Variants in SLC24A2 observed in about 807,000 individuals in gnomAD.
SLC24A2 encodes the protein solute carrier family 24 member 2, also known as sodium/potassium/calcium exchanger 2.
Under a neutral mutation model 62.0 loss-of-function variants are expected in SLC24A2, and 36 were observed. The ratio of observed to expected loss-of-function variants is 0.58; its 90% CI spans 0.44 to 0.77. SLC24A2 has a LOEUF of 0.77. Ranked by LOEUF, SLC24A2 falls within the 30% of genes least tolerant of loss-of-function variation. The pLI is 0.00. For synonymous variants in SLC24A2, 358 were observed against 294.0 expected, an observed-to-expected ratio of 1.22 and a Z score of -2.23; for missense variants, 846 against 817.9, an observed-to-expected ratio of 1.03 and a Z score of -0.42.
At chr9:20,087,892 A>G in the SLC24A2 span, among the ~76,000 whole-genome samples, 1 of 152,054 alleles carries the variant, frequency 6.6e-6, no homozygotes, top group East Asian at 1.9e-4. Context: ...GATCTAGAGG[A>G]GCGTCCCCTA....
the SLC24A2 span, among the ~76,000 whole-genome samples, chr9:19,884,715 C>A: frequency 1.3e-5 from 2 of 151,908 alleles, no homozygotes; most frequent in Non-Finnish European, 2.9e-5. Context: ...TCTATACAAC[C>A]ATTGTTTTCA....
At chr9:20,118,792 C>A in the SLC24A2 span, among the ~76,000 whole-genome samples, 4 of 152,160 alleles carry the variant, frequency 2.6e-5, no homozygotes, top group East Asian at 7.8e-4. Context: ...CTGTGGTAAA[C>A]AAGTATAGGG....
the SLC24A2 span, among the ~76,000 whole-genome samples, chr9:19,881,409 G>C: frequency 9.7e-4 from 147 of 152,298 alleles, no homozygotes; most frequent in Middle Eastern, 3.4e-3. Flanking sequence ...ACCATCTACT[G>C]ACTTAGGCTA....
intron 8 of SLC24A2, among the ~76,000 whole-genome samples, chr9:19,542,629 G>A (rs1834333472): frequency 6.6e-6 from 1 of 152,162 alleles, no homozygotes; most frequent in African/African-American, 2.4e-5. Context: ...ACTTTATTGA[G>A]AATTTTTTAG....
rs1009127911 is a variant in SLC24A2 at position 19,786,632 on chromosome 9, C to T, written c.235G>A (p.Ala79Thr). Residue 79 changes from alanine (A) to threonine (T), a missense_variant, in exon 2 of 11, where the codon GCA becomes ACA. Ala to Thr is a moderately conservative substitution (Grantham distance 58). Coordinates refer to ENST00000341998, the MANE Select transcript of SLC24A2 (RefSeq NM_020344.4). This position sits in a 1 kb window ranked among gnomAD's most constrained non-coding sequence, Gnocchi z 5.0. ...EASVVSGPRV[A>T]QGYHQRTLLD... ...AGAGTTCTCTGATGGTAACCCTGTG[C>T]TACCCTAGGGCCACTTACAACACTG... The T allele has an allele frequency of 6.2e-7, 1 of 1,614,094 alleles. No homozygotes were observed. Among genetic ancestry groups the T allele is most frequent in the Non-Finnish European group, 8.5e-7 (1 of 1,179,976 alleles).
the SLC24A2 span, among the ~76,000 whole-genome samples, chr9:20,241,123 C>G: frequency 1.3e-5 from 2 of 152,238 alleles, no homozygotes; most frequent in African/African-American, 4.8e-5. Flanking sequence ...AATGAAACCA[C>G]GTGTCTTCAG....
At chr9:19,675,706 C>T (rs926836547) in intron 2 of SLC24A2, among the ~76,000 whole-genome samples, 3 of 152,106 alleles carry the variant, frequency 2.0e-5, no homozygotes, top group Admixed American at 6.5e-5. Context: ...TCCTACCGTG[C>T]CCCCACAAAA....
chr9:20,087,219 T>A, the SLC24A2 span, among the ~76,000 whole-genome samples: 1 of 152,106 alleles, frequency 6.6e-6, no homozygotes, highest in African/African-American at 2.4e-5. Flanking sequence ...AATAAATATT[T>A]ATTGAGCACC....
At position 19,514,685 on chromosome 9, in the gene SLC24A2, C is replaced by G. The variant is rs900357809; in HGVS notation, c.*1468G>C. On this transcript the variant is annotated 3_prime_UTR_variant, in exon 11 of 11. Transcript: ENST00000341998. ...ATAGCTTGAAACCAGTATAAGGAAGCTGTCAAATACCGTGTACTCTAAAAC... is the reference window on the plus strand; with the variant it reads ...ATAGCTTGAAACCAGTATAAGGAAGGTGTCAAATACCGTGTACTCTAAAAC... The G allele has an allele frequency of 1.3e-5, 2 of 152,146 alleles. No homozygotes were observed. The highest frequency in any genetic ancestry group is 4.8e-5 in the African/African-American group (2 of 41,418). The allele number at this position is 152,146 out of a possible 1,614,324, so 9.4% of individuals were successfully genotyped here.
chr9:19,733,588 T>A (rs1014165092), intron 2 of SLC24A2, among the ~76,000 whole-genome samples: 1 of 152,212 alleles, frequency 6.6e-6, no homozygotes, highest in South Asian at 2.1e-4. Flanking sequence ...ATTGAATGAA[T>A]GAAAAATCAT....
chr9:20,202,871 C>T, the SLC24A2 span, among the ~76,000 whole-genome samples: 6 of 152,150 alleles, frequency 3.9e-5, no homozygotes, highest in Non-Finnish European at 7.3e-5. Flanking sequence ...TTCCCCAAAA[C>T]ACTTAATTTT....
chr9:20,116,602 A>G, the SLC24A2 span, among the ~76,000 whole-genome samples: 2 of 152,154 alleles, frequency 1.3e-5, no homozygotes, highest in East Asian at 1.9e-4. Context: ...CTGTCTTTCA[A>G]TTACTAAATG....
At chr9:20,007,687 T>C in the SLC24A2 span, among the ~76,000 whole-genome samples, 1 of 152,062 alleles carries the variant, frequency 6.6e-6, no homozygotes, top group Non-Finnish European at 1.5e-5. Context: ...GAAGTCCCTT[T>C]GGGCATATTC....
the SLC24A2 span, among the ~76,000 whole-genome samples, chr9:20,247,358 G>A: frequency 7.8e-4 from 118 of 152,142 alleles, no homozygotes; most frequent in African/African-American, 2.7e-3. Flanking sequence ...CACTGCTGTG[G>A]TCTGAATGTG....
chr9:19,814,072 G>C, the SLC24A2 span, among the ~76,000 whole-genome samples: 1 of 152,054 alleles, frequency 6.6e-6, no homozygotes, highest in Admixed American at 6.6e-5. Flanking sequence ...TTTGTTGTTT[G>C]TTTTATATTT....
At chr9:19,987,116 C>T in the SLC24A2 span, among the ~76,000 whole-genome samples, 1,091 of 152,164 alleles carry the variant, frequency 7.2e-3, 18 homozygotes, top group African/African-American at 0.025. Context: ...TGTGGAAGAG[C>T]TGATGCTCTG....
At chr9:20,254,305 G>A in the SLC24A2 span, among the ~76,000 whole-genome samples, 1 of 152,176 alleles carries the variant, frequency 6.6e-6, no homozygotes, top group African/African-American at 2.4e-5. Context: ...TCATCAAGCT[G>A]CTATTTTAGA....
chr9:20,260,909 G>A, the SLC24A2 span, among the ~76,000 whole-genome samples: 103 of 143,136 alleles, frequency 7.2e-4, 1 homozygote, highest in African/African-American at 2.7e-3. Flanking sequence ...AGGCTGGAGT[G>A]CAGTGGCGTA....
chr9:19,947,707 C>T, the SLC24A2 span, among the ~76,000 whole-genome samples: 2 of 146,530 alleles, frequency 1.4e-5, no homozygotes, highest in Admixed American at 1.4e-4. Flanking sequence ...AGGAGAATGG[C>T]GTGAACCTGG....
Sources: gnomAD v4.1 joint callset for allele counts (sites outside exome capture counted in the v4.1 genomes callset) on GRCh38, gnomAD v4.1.1 for gene constraint, Gnocchi (gnomAD v3.1) non-coding constraint, MANE v1.5 for transcripts, NCBI Gene and HGNC (gene_info 2026-07-23, HGNC 2026-07-21) for gene names.